The following FHIT variants were observed in gnomAD, a reference collection of about 807,000 sequenced individuals.
FHIT encodes bis(5'-adenosyl)-triphosphatase.
In FHIT, 19 loss-of-function variants were observed where a neutral mutation model predicts 17.9. The observed-to-expected ratio is 1.06, with a 90% confidence interval of 0.74 to 1.56. The LOEUF (loss-of-function observed/expected upper bound fraction) is 1.56, where lower values mean the gene tolerates loss of function less well. Ranked by LOEUF, FHIT falls within the 40% of genes most tolerant of loss-of-function variation. The pLI is 0.00. For synonymous variants in FHIT, 81 were observed against 69.7 expected (o/e 1.16, Z -0.81); for missense variants, 248 against 189.2 (o/e 1.31, Z -1.82).
intron 8 of FHIT, among the ~76,000 whole-genome samples, chr3:59,852,816 T>C (rs760662515): frequency 6.6e-6 from 1 of 152,202 alleles, no homozygotes; most frequent in Non-Finnish European, 1.5e-5. Flanking sequence ...CTTAGTAATA[T>C]ACATTTAAGT....
chr3:60,095,487 G>A (rs1366329376), intron 5 of FHIT, among the ~76,000 whole-genome samples: 4 of 152,136 alleles, frequency 2.6e-5, no homozygotes, highest in African/African-American at 4.8e-5. Context: ...AGCAAACAGT[G>A]AATAAATCCT....
At chr3:60,650,870 A>G (rs2039973930) in intron 4 of FHIT, among the ~76,000 whole-genome samples, 1 of 152,216 alleles carries the variant, frequency 6.6e-6, no homozygotes, top group African/African-American at 2.4e-5. Flanking sequence ...AAGAAGCAAA[A>G]AAAGAAAACA....
At chr3:60,871,605 G>T (rs1704420632) in intron 3 of FHIT, among the ~76,000 whole-genome samples, 1 of 152,062 alleles carries the variant, frequency 6.6e-6, no homozygotes, top group African/African-American at 2.4e-5. Context: ...TATTTAACGT[G>T]TAAGTCAGGA....
intron 2 of FHIT, among the ~76,000 whole-genome samples, chr3:61,176,966 G>T (rs994688723): frequency 7.9e-5 from 12 of 152,138 alleles, no homozygotes; most frequent in African/African-American, 2.7e-4. Flanking sequence ...ACGAGGTAAG[G>T]AGATCGAGAC....
intron 3 of FHIT, among the ~76,000 whole-genome samples, chr3:60,919,855 G>T (rs1317206060): frequency 2.6e-5 from 4 of 152,094 alleles, no homozygotes; most frequent in Non-Finnish European, 4.4e-5. Flanking sequence ...CCAACATGGT[G>T]AAACCCCATC....
At chr3:59,994,243 G>A (rs1422356584) in intron 7 of FHIT, among the ~76,000 whole-genome samples, 2 of 152,070 alleles carry the variant, frequency 1.3e-5, no homozygotes. Flanking sequence ...TTAAGCCACT[G>A]TAAAGTACTG....
chr3:61,053,559 G>T (rs1290572557), intron 2 of FHIT, among the ~76,000 whole-genome samples: 1 of 152,096 alleles, frequency 6.6e-6, no homozygotes, highest in Non-Finnish European at 1.5e-5. Context: ...TCAAGAGGCT[G>T]AGGCAGGAGA....
At chr3:60,097,736 T>C (rs1279388560) in intron 5 of FHIT, among the ~76,000 whole-genome samples, 1 of 151,920 alleles carries the variant, frequency 6.6e-6, no homozygotes, top group East Asian at 1.9e-4. Flanking sequence ...TATTATACTT[T>C]AAGTTTTAGG....
At chr3:60,239,992 G>A (rs185823970) in intron 5 of FHIT, among the ~76,000 whole-genome samples, 1 of 152,256 alleles carries the variant, frequency 6.6e-6, no homozygotes, top group East Asian at 1.9e-4. Context: ...GCAAATGACA[G>A]AGCAAATTCA....
chr3:59,971,994 C>G (rs938763579), intron 7 of FHIT, among the ~76,000 whole-genome samples: 5 of 152,124 alleles, frequency 3.3e-5, no homozygotes, highest in Non-Finnish European at 7.4e-5. Context: ...AGGCCCTGTG[C>G]AGACATGCCT....
intron 7 of FHIT, among the ~76,000 whole-genome samples, chr3:59,993,764 G>C (rs916602086): frequency 6.6e-6 from 1 of 151,872 alleles, no homozygotes; most frequent in East Asian, 1.9e-4. Context: ...CTCAGTTCCT[G>C]TTCAACTCTG....
At chr3:60,894,404 C>G (rs1705679547) in intron 3 of FHIT, among the ~76,000 whole-genome samples, 1 of 152,116 alleles carries the variant, frequency 6.6e-6, no homozygotes, top group South Asian at 2.1e-4. Flanking sequence ...TATGGTACTT[C>G]CAGGAGAGAA....
chr3:60,866,693 C>T (rs1704179388), intron 3 of FHIT, among the ~76,000 whole-genome samples: 1 of 152,184 alleles, frequency 6.6e-6, no homozygotes, highest in Admixed American at 6.6e-5. Context: ...GTACCTAACC[C>T]AGAGGGTTTT....
chr3:60,309,751 T>A (rs1389881449), intron 5 of FHIT, among the ~76,000 whole-genome samples: 1 of 152,078 alleles, frequency 6.6e-6, no homozygotes, highest in African/African-American at 2.4e-5. Flanking sequence ...TTAACTTTTT[T>A]TTTCAATATA....
intron 7 of FHIT, among the ~76,000 whole-genome samples, chr3:59,958,930 T>C (rs148579635): frequency 2.0e-5 from 3 of 152,232 alleles, no homozygotes; most frequent in African/African-American, 7.2e-5. Flanking sequence ...ATTACAATCA[T>C]GTGTCGCTTT....
intron 3 of FHIT, among the ~76,000 whole-genome samples, chr3:61,008,932 A>G (rs1265720812): frequency 2.0e-5 from 3 of 152,154 alleles, no homozygotes; most frequent in Admixed American, 2.0e-4. Flanking sequence ...ACTGGCAGCT[A>G]ACCGCCTCAG....
At chr3:60,650,925 G>C (rs1337237365) in intron 4 of FHIT, among the ~76,000 whole-genome samples, 1 of 152,112 alleles carries the variant, frequency 6.6e-6, no homozygotes, top group Non-Finnish European at 1.5e-5. Context: ...TAAAATGTTA[G>C]TATAGTTCCT....
intron 7 of FHIT, among the ~76,000 whole-genome samples, chr3:59,923,099 A>T (rs1705488000): frequency 6.6e-6 from 1 of 151,716 alleles, no homozygotes. Context: ...CTCTACTAAA[A>T]CTACAAAAAC....
intron 4 of FHIT, among the ~76,000 whole-genome samples, chr3:60,788,241 T>A (rs1553727502): frequency 6.6e-6 from 1 of 152,090 alleles, no homozygotes; most frequent in Non-Finnish European, 1.5e-5. Flanking sequence ...CAGTGCACTA[T>A]GATTGCACCA....
Sources: gnomAD v4.1 joint callset for allele counts (sites outside exome capture counted in the v4.1 genomes callset) on GRCh38, gnomAD v4.1.1 for gene constraint, MANE v1.5 for transcripts, NCBI Gene and HGNC (gene_info 2026-07-23, HGNC 2026-07-21) for gene names.